Variants in VTI1A observed in about 807,000 individuals in gnomAD.
The protein encoded by VTI1A is vesicle transport through interaction with t-SNAREs 1A, also known as vesicle transport through interaction with t-SNAREs homolog 1A.
In VTI1A, 22 loss-of-function variants were observed where a neutral mutation model predicts 34.9. The observed-to-expected ratio is 0.63, with a 90% CI of 0.45 to 0.90. The LOEUF is 0.90. VTI1A is among the 40% of genes least tolerant of loss of function. The probability of loss-of-function intolerance (pLI) is 0.00; values close to 1 mark genes in which losing one functional copy is unlikely to be tolerated. For synonymous variants in VTI1A, 87 were observed against 97.3 expected, an observed-to-expected ratio of 0.89 and a Z score of 0.62; for missense variants, 268 against 275.6, an observed-to-expected ratio of 0.97 and a Z score of 0.20.
intron 5 of VTI1A, among the ~76,000 whole-genome samples, chr10:112,558,292 C>G (rs1287770854): frequency 6.6e-6 from 1 of 152,108 alleles, no homozygotes; most frequent in Non-Finnish European, 1.5e-5. Context: ...TCCTAATGGG[C>G]AGAGGATCCT....
Position 112,787,698 on chromosome 10 carries a change from C to CT in VTI1A, c.561-27571dup, listed in dbSNP as rs34862909. On this transcript the variant is annotated intron_variant, in intron 7 of 7. Coordinates refer to ENST00000393077, the MANE Select transcript of VTI1A (RefSeq NM_145206.4). ...TAGTTTCTTTTTTCTTTTTTCTTTTCTTTTTTTTTTTTTTTTTTTTTGAGA... is the reference window on the plus strand; with the variant it reads ...TAGTTTCTTTTTTCTTTTTTCTTTTCTTTTTTTTTTTTTTTTTTTTTTGAGA... Among the ~76,000 whole-genome samples, 982 of 103,254 alleles carry CT rather than the reference C, an allele frequency of 9.5e-3. 14 individuals are homozygous for CT. Among genetic ancestry groups the CT allele is most frequent in the African/African-American group, 0.026 (670 of 25,666 alleles). 67.7% of individuals were successfully genotyped at this position (103,254 alleles called of 152,430 possible).
Position 112,722,675 on chromosome 10 carries a change from C to T in VTI1A, c.560+53677C>T, listed in dbSNP as rs112264758. Among the ~76,000 whole-genome samples, 1,078 of 152,148 alleles carry T rather than the reference C, an allele frequency of 7.1e-3. 17 individuals are homozygous for T. Among genetic ancestry groups the T allele is most frequent in the African/African-American group, 0.024 (1,015 of 41,504 alleles). ...TCAGTGGCTCTCAGCCCTTGTTGCT[C>T]GTGAGAATCACCTGGGGAGCTTTTT... On this transcript the variant is annotated intron_variant, in intron 7 of 7. Coordinates refer to ENST00000393077, the MANE Select transcript of VTI1A (RefSeq NM_145206.4).
At chr10:112,648,848 T>G (rs1846900076) in intron 5 of VTI1A, among the ~76,000 whole-genome samples, 1 of 152,224 alleles carries the variant, frequency 6.6e-6, no homozygotes, top group Non-Finnish European at 1.5e-5. Flanking sequence ...TTTCTCAGCT[T>G]GAGTAAAATG....
chr10:112,564,445 A>T (rs1004948476), intron 5 of VTI1A, among the ~76,000 whole-genome samples: 4 of 111,074 alleles, frequency 3.6e-5, no homozygotes, highest in Admixed American at 8.1e-5. Context: ...GTACTTCTTT[A>T]AAAAAAAAAA....
At chr10:112,743,013 CGTGTGTGTGTGTGTGT>C (rs10612255) in intron 7 of VTI1A, among the ~76,000 whole-genome samples, 134 of 141,980 alleles carry the variant, frequency 9.4e-4, no homozygotes, top group African/African-American at 3.2e-3. Flanking sequence ...GACCTATTCT[CGTGTGTGTGTGTGTGT>C]GTGTGTGTGT....
intron 5 of VTI1A, among the ~76,000 whole-genome samples, chr10:112,660,677 G>T (rs1366035077): frequency 6.6e-6 from 1 of 152,156 alleles, no homozygotes. Context: ...AGGAACTAAA[G>T]TCTTATTTTA....
At chr10:112,807,407 C>G (rs1046822469) in intron 7 of VTI1A, among the ~76,000 whole-genome samples, 1 of 152,122 alleles carries the variant, frequency 6.6e-6, no homozygotes, top group Non-Finnish European at 1.5e-5. Flanking sequence ...TTCTTTGCCT[C>G]TTGCAGCTTC....
intron 7 of VTI1A, among the ~76,000 whole-genome samples, chr10:112,677,050 T>C: frequency 6.6e-6 from 1 of 152,180 alleles, no homozygotes; most frequent in South Asian, 2.1e-4. Flanking sequence ...GGAATCTTAC[T>C]GATTTGGATT....
intron 1 of VTI1A, among the ~76,000 whole-genome samples, chr10:112,452,013 T>TA (rs1237917989): frequency 6.6e-6 from 1 of 152,204 alleles, no homozygotes; most frequent in African/African-American, 2.4e-5. Context: ...TTGAAAACTT[T>TA]AAAAAATACT....
chr10:112,453,618 T>A (rs1392434816), intron 1 of VTI1A, among the ~76,000 whole-genome samples: 4 of 152,228 alleles, frequency 2.6e-5, no homozygotes, highest in South Asian at 2.1e-4. Context: ...GCCTTTTTTT[T>A]AATTTGGCTT....
intron 7 of VTI1A, among the ~76,000 whole-genome samples, chr10:112,705,169 C>T (rs1192256337): frequency 1.3e-5 from 2 of 151,882 alleles, no homozygotes; most frequent in Non-Finnish European, 2.9e-5. Context: ...TCCCAAAGTA[C>T]CTGATTACAG....
At chr10:112,627,740 G>A (rs145455157) in intron 5 of VTI1A, among the ~76,000 whole-genome samples, 130 of 152,240 alleles carry the variant, frequency 8.5e-4, no homozygotes, top group African/African-American at 3.1e-3. Flanking sequence ...ACCTGGTGCT[G>A]AGATAACAAC....
the VTI1A span, among the ~76,000 whole-genome samples, chr10:112,835,837 AG>A: frequency 5.3e-5 from 8 of 152,000 alleles, 1 homozygote; most frequent in African/African-American, 1.7e-4. Context: ...ATATTGGGGT[AG>A]GGGGGGCAGT....
chr10:112,761,355 C>T (rs1019281484), intron 7 of VTI1A, among the ~76,000 whole-genome samples: 1 of 152,116 alleles, frequency 6.6e-6, no homozygotes, highest in African/African-American at 2.4e-5. Flanking sequence ...GGTCTAACAG[C>T]CTTAGGATTA....
chr10:112,801,522 GCA>G (rs1406719833), intron 7 of VTI1A, among the ~76,000 whole-genome samples: 1 of 152,094 alleles, frequency 6.6e-6, no homozygotes, highest in East Asian at 1.9e-4. Context: ...TCCCAGATTC[GCA>G]CAGTGAGTCT....
the VTI1A span, among the ~76,000 whole-genome samples, chr10:112,829,781 A>C: frequency 3.3e-5 from 5 of 152,208 alleles, no homozygotes; most frequent in African/African-American, 7.2e-5. Context: ...TAATCTATTG[A>C]TTGAGAAAAT....
chr10:112,834,700 G>T, the VTI1A span, among the ~76,000 whole-genome samples: 2 of 152,212 alleles, frequency 1.3e-5, no homozygotes, highest in African/African-American at 2.4e-5. Context: ...AATCAGGAAA[G>T]CTTCTCCCTA....
intron 5 of VTI1A, among the ~76,000 whole-genome samples, chr10:112,633,150 GAGGAGAGGTCTGA>G (rs1846204106): frequency 6.6e-6 from 1 of 152,144 alleles, no homozygotes; most frequent in South Asian, 2.1e-4. Context: ...TGAGTCCTGA[GAGGAGAGGTCTGA>G]AGGAGAGGAG....
chr10:112,569,165 A>AT (rs1369600546), intron 5 of VTI1A, among the ~76,000 whole-genome samples: 1 of 151,904 alleles, frequency 6.6e-6, no homozygotes, highest in Non-Finnish European at 1.5e-5. Context: ...AAAAAAAAAA[A>AT]GCTATGGGAA....
Sources: allele counts gnomAD v4.1 joint callset (sites outside exome capture counted in the v4.1 genomes callset), GRCh38; gene constraint gnomAD v4.1.1; transcripts MANE v1.5; gene names NCBI Gene and HGNC (gene_info 2026-07-23, HGNC 2026-07-21).